Variants in TBX4 observed in about 807,000 individuals in gnomAD.
The protein encoded by TBX4 is T-box transcription factor TBX4.
TBX4 carries 13 observed loss-of-function variants against 54.6 expected under a neutral mutation model. That is an observed-to-expected ratio of 0.24 (90% CI 0.15 to 0.38). The LOEUF is 0.38. TBX4 is among the 10% of genes least tolerant of loss of function. TBX4 has a pLI of 1.00. For synonymous variants in TBX4, 314 were observed against 306.7 expected, an observed-to-expected ratio of 1.02 and a Z score of -0.25; for missense variants, 631 against 728.5, an observed-to-expected ratio of 0.87 and a Z score of 1.54.
Position 61,483,700 on chromosome 17 carries a change from C to A in TBX4, c.*184C>A. 2.6e-6 allele frequency: 2 copies of A among 776,194 alleles called. No individual in the cohort carries two copies. Among genetic ancestry groups the A allele is most frequent in the Non-Finnish European group, 4.1e-6 (2 of 482,748 alleles). The allele number at this position is 776,194 out of a possible 1,614,324, so 48.1% of individuals were successfully genotyped here. On this transcript the variant is annotated 3_prime_UTR_variant, in exon 9 of 9. Coordinates refer to ENST00000644296, the MANE Select transcript of TBX4 (RefSeq NM_001321120.2). This position sits in a 1 kb window ranked among gnomAD's most constrained non-coding sequence, Gnocchi z 6.6. Reference sequence around the variant, plus strand: ...TGGAGAGCATCCATCTTCTGACATACAACTGAGGTCATGACAAGGAAAAAA... The same window carrying A: ...TGGAGAGCATCCATCTTCTGACATAAAACTGAGGTCATGACAAGGAAAAAA...
chr17:61,456,705 G>A (rs2060453381), intron 2 of TBX4, 29 bp downstream of exon 2: 3 of 1,364,426 alleles, frequency 2.2e-6, no homozygotes, highest in South Asian at 3.4e-5. Context: ...TCGGGTAGAA[G>A]TCGGGCGTCG....
Position 61,461,302 on chromosome 17 carries a change from C to T in TBX4, c.281+3671C>T, listed in dbSNP as rs3785833. 0.34 allele frequency among the ~76,000 whole-genome samples: 52,420 copies of T among 151,990 alleles called. 9,854 individuals are homozygous for T. Among genetic ancestry groups the T allele is most frequent in the East Asian group, 0.6 (3,090 of 5,160 alleles). ...TATGCCTCTATGTATGTGTGTGAAA[C>T]GTGGAAATCGATTTATTATCTTCAA... is the stretch of plus-strand genomic sequence containing the variant. On this transcript the variant is annotated intron_variant, in intron 3 of 8. Coordinates refer to ENST00000644296, the MANE Select transcript of TBX4 (RefSeq NM_001321120.2). This position sits in a 1 kb window ranked among gnomAD's most constrained non-coding sequence, Gnocchi z 5.1.
Position 61,483,410 on chromosome 17 carries a change from A to T in TBX4, c.1535A>T (p.Asn512Ile). The T allele has an allele frequency of 6.2e-7, 1 of 1,613,532 alleles. No individual in the cohort carries two copies. The highest frequency in any genetic ancestry group is 8.5e-7 in the Non-Finnish European group (1 of 1,179,484). The change falls in exon 9 of 9, where the codon AAT becomes ATT. Residue 512 changes from asparagine (N) to isoleucine (I), a missense_variant. By Grantham distance (149) the Asn-to-Ile change is moderately radical. This residue lies in a region of TBX4 where 354 missense variants were observed against 368.9 expected (regional missense o/e 0.96). Coordinates refer to ENST00000644296, the MANE Select transcript of TBX4 (RefSeq NM_001321120.2). This position sits in a 1 kb window ranked among gnomAD's most constrained non-coding sequence, Gnocchi z 6.6. ...AGGAAGCCACCCTCGCCACATCTAA[A>T]TGCTGCCAATGAGTTTCTCTACTCT... ...CERKPPSPHL[N>I]AANEFLYSQT...
chr17:61,452,829 T>C (rs1050904680), intron 1 of TBX4: 18 of 778,586 alleles, frequency 2.3e-5, no homozygotes, highest in Non-Finnish European at 2.7e-5. Context: ...ACGCGATGAA[T>C]TGGGTCTAGA....
At position 61,462,472 on chromosome 17, in the gene TBX4, C is replaced by G. The variant is rs761805116; in HGVS notation, c.282-3347C>G. Among the ~76,000 whole-genome samples the G allele has an allele frequency of 3.5e-5, 5 of 143,550 alleles. No homozygotes were observed. The highest frequency in any genetic ancestry group is 6.1e-5 in the Non-Finnish European group (4 of 66,072). 94.2% of individuals were successfully genotyped at this position (143,550 alleles called of 152,430 possible). A position where few individuals can be genotyped will look rare whatever the true frequency, so the allele number is the denominator to read the frequency against. ...GGTGCGGGGCACGTGGAAAGCGTGC[C>G]GAGGGGCTGGGAAGAGGGAGGGACA... On this transcript the variant is annotated intron_variant, in intron 3 of 8. Coordinates refer to ENST00000644296, the MANE Select transcript of TBX4 (RefSeq NM_001321120.2). The surrounding 1 kb of genome is among the most constrained non-coding windows in gnomAD (Gnocchi z 4.5).
At chr17:61,470,062 C>G (rs573885309) in intron 5 of TBX4, among the ~76,000 whole-genome samples, 17 of 146,822 alleles carry the variant, frequency 1.2e-4, no homozygotes, top group Admixed American at 3.3e-4. Context: ...GCAGCCCTCA[C>G]CCCCAACTCC....
In TBX4 at chr17:61,476,815, G is replaced by A. The variant is rs1221731055; in HGVS notation, c.550-1812G>A. ...GGTTCCTGCTGGATGGAGTCACCCA[G>A]CTCAACCGAGGAGCCCAGGGAAGGC... On this transcript the variant is annotated intron_variant, in intron 5 of 8. Transcript: ENST00000644296. This position sits in a 1 kb window ranked among gnomAD's most constrained non-coding sequence, Gnocchi z 6.5. Among the ~76,000 whole-genome samples the A allele has an allele frequency of 2.0e-5, 3 of 152,236 alleles. No individual in the cohort carries two copies. Among genetic ancestry groups the A allele is most frequent in the Admixed American group, 2.0e-4 (3 of 15,292 alleles).
rs1451574612 is a variant in TBX4, at chr17:61,483,109, C to T, written c.1234C>T (p.Pro412Ser). 6.2e-7 allele frequency: 1 copy of T among 1,614,106 alleles called. No homozygotes were observed. Among genetic ancestry groups the T allele is most frequent in the African/African-American group, 1.3e-5 (1 of 75,030 alleles). The part of the protein sequence containing the change: ...IAGVSGVDDL[P>S]PPPLSCNMWT... ...CGGGGTGTCTGGGGTGGACGACCTG[C>T]CCCCACCTCCGCTGAGCTGTAACAT... Residue 412 changes from proline (P) to serine (S), a missense_variant, in exon 9 of 9, where the codon CCC (proline) becomes TCC (serine). Physicochemically the swap from Pro to Ser is moderately conservative, Grantham distance 74. Transcript: ENST00000644296. This position sits in a 1 kb window ranked among gnomAD's most constrained non-coding sequence, Gnocchi z 6.6.
chr17:61,465,949 C>G lies in TBX4; in HGVS notation c.401+11C>G. 3 of 1,613,644 alleles carry G rather than the reference C, an allele frequency of 1.9e-6. No individual in the cohort carries two copies. The highest frequency in any genetic ancestry group is 2.2e-5 in the East Asian group (1 of 44,854). On this transcript the variant is annotated intron_variant, in intron 4 of 8. Coordinates refer to ENST00000644296, the MANE Select transcript of TBX4 (RefSeq NM_001321120.2). This position sits in a 1 kb window ranked among gnomAD's most constrained non-coding sequence, Gnocchi z 4.9. ...CTGTGACAACAAATGGTAAGTGGACCCTGACCGCATCACCCACGTTCCCTC... is the reference window on the plus strand; with the variant it reads ...CTGTGACAACAAATGGTAAGTGGACGCTGACCGCATCACCCACGTTCCCTC...
rs1055535981 is a variant in TBX4, at chr17:61,464,362, C to T, written c.282-1457C>T. On this transcript the variant is annotated intron_variant, in intron 3 of 8. Coordinates refer to ENST00000644296, the MANE Select transcript of TBX4 (RefSeq NM_001321120.2). The surrounding 1 kb of genome is among the most constrained non-coding windows in gnomAD (Gnocchi z 5.8). ...GGGGTCCTCGCCTGGGCTTAGGGCC[C>T]GCCAGCTTATAGAGGCCTTGATCCT... 5.3e-5 allele frequency: 8 copies of T among 152,246 alleles called. No individual in the cohort carries two copies. Among genetic ancestry groups the T allele is most frequent in the African/African-American group, 1.7e-4 (7 of 41,448 alleles). The allele number at this position is 152,246 out of a possible 1,614,324, so 9.4% of individuals were successfully genotyped here. A position where few individuals can be genotyped will look rare whatever the true frequency, so the allele number is the denominator to read the frequency against.
At chr17:61,454,067 GA>G (rs2060430886) in intron 1 of TBX4, among the ~76,000 whole-genome samples, 1 of 152,198 alleles carries the variant, frequency 6.6e-6, no homozygotes, top group Non-Finnish European at 1.5e-5. Context: ...TGAAATGATG[GA>G]ACAGTGACAG....
chr17:61,459,694 G>A lies in TBX4; in HGVS notation c.281+2063G>A, dbSNP rs527955999. Among the ~76,000 whole-genome samples, 1 of 152,324 alleles carries A rather than the reference G, an allele frequency of 6.6e-6. No homozygotes were observed. The highest frequency in any genetic ancestry group is 1.5e-5 in the Non-Finnish European group (1 of 68,036). ...TGTGCTTGATCCTAGTTGAGGCTTA[G>A]AGATGGACCTTAGGGAATTATGATA... On this transcript the variant is annotated intron_variant, in intron 3 of 8. Transcript: ENST00000644296. The surrounding 1 kb of genome is among the most constrained non-coding windows in gnomAD (Gnocchi z 4.8).
chr17:61,465,966 C>T lies in TBX4; in HGVS notation c.401+28C>T. ...AAGTGGACCCTGACCGCATCACCCA[C>T]GTTCCCTCAACTGCCCACTTGCCAC... On this transcript the variant is annotated intron_variant, in intron 4 of 8. Transcript: ENST00000644296. The surrounding 1 kb of genome is among the most constrained non-coding windows in gnomAD (Gnocchi z 4.9). 1.2e-6 allele frequency: 2 copies of T among 1,612,812 alleles called. No homozygotes were observed. The highest frequency in any genetic ancestry group is 1.7e-6 in the Non-Finnish European group (2 of 1,179,162).
chr17:61,480,166 G>A lies in TBX4; in HGVS notation c.868G>A (p.Val290Met), dbSNP rs760566882. 4.0e-5 allele frequency: 64 copies of A among 1,613,936 alleles called. No individual in the cohort carries two copies. The highest frequency in any genetic ancestry group is 5.2e-5 in the Non-Finnish European group (61 of 1,180,026). The change falls in exon 8 of 9, where the codon GTG becomes ATG. Residue 290 changes from valine to methionine, a missense_variant. Physicochemically the swap from Val to Met is conservative, Grantham distance 21. Transcript: ENST00000644296. The surrounding 1 kb of genome is among the most constrained non-coding windows in gnomAD (Gnocchi z 6.2). ...ISPQLSATPD[V>M]GPLLGTHQAL... Reference sequence around the variant, plus strand: ...CCCCCAGCTCTCAGCCACACCGGACGTGGGCCCCCTGCTCGGCACCCACCA... The same window carrying A: ...CCCCCAGCTCTCAGCCACACCGGACATGGGCCCCCTGCTCGGCACCCACCA...
chr17:61,453,051 G>A (rs1263462367), intron 1 of TBX4: 8 of 911,960 alleles, frequency 8.8e-6, no homozygotes, highest in Non-Finnish European at 1.0e-5. Context: ...ATTAAAGCAA[G>A]GAACATTATA....
In TBX4 at chr17:61,483,339, C is replaced by T. The variant is rs760722978; in HGVS notation, c.1464C>T (p.Pro488=). Reference sequence around the variant, plus strand: ...AGTCTCAGGTCCGAGAGCGGGGGCCCAGCGCCTCATTCCCAAGAGAGCGCG... The same window carrying T: ...AGTCTCAGGTCCGAGAGCGGGGGCCTAGCGCCTCATTCCCAAGAGAGCGCG... ...LSQSQVRERG[P]SASFPRERGL... is the part of the protein sequence containing the mutation. The change falls in exon 9 of 9, where the codon CCC becomes CCT. Residue 488 remains proline, a synonymous_variant. Transcript: ENST00000644296. The surrounding 1 kb of genome is among the most constrained non-coding windows in gnomAD (Gnocchi z 6.6). 3.7e-6 allele frequency: 6 copies of T among 1,609,536 alleles called. No individual in the cohort carries two copies. In the Admixed American group the frequency reaches 8.3e-5, roughly 22 times the overall value.
intron 4 of TBX4, 148 bp from the exon 5 acceptor site, chr17:61,467,362 C>T: frequency 1.2e-6 from 1 of 863,906 alleles, no homozygotes; most frequent in Non-Finnish European, 1.9e-6. Context: ...CCTCACACTC[C>T]TACCCTTGAA....
At chr17:61,466,379 T>C (rs767742503) in intron 4 of TBX4, among the ~76,000 whole-genome samples, 8 of 152,194 alleles carry the variant, frequency 5.3e-5, no homozygotes, top group Non-Finnish European at 7.3e-5. Flanking sequence ...TGTTTCTCCA[T>C]GTTCTCCTTG....
chr17:61,472,493 A>G lies in TBX4; in HGVS notation c.549+4836A>G, dbSNP rs970183508. Among the ~76,000 whole-genome samples the G allele has an allele frequency of 1.3e-5, 2 of 152,074 alleles. No homozygotes were observed. Among genetic ancestry groups the G allele is most frequent in the Non-Finnish European group, 2.9e-5 (2 of 68,016 alleles). ...TTTTTCTTGTAGGTTTTTGATATCA[A>G]TTTCTAGGAACTCTTATAAATTAGG... On this transcript the variant is annotated intron_variant, in intron 5 of 8. Coordinates refer to ENST00000644296, the MANE Select transcript of TBX4 (RefSeq NM_001321120.2). This position sits in a 1 kb window ranked among gnomAD's most constrained non-coding sequence, Gnocchi z 4.5.
Sources: allele counts gnomAD v4.1 joint callset (sites outside exome capture counted in the v4.1 genomes callset), GRCh38; gene constraint gnomAD v4.1.1; regional missense constraint gnomAD v4.1.1; non-coding constraint Gnocchi (gnomAD v3.1); transcripts MANE v1.5; gene names NCBI Gene and HGNC (gene_info 2026-07-23, HGNC 2026-07-21).